JPH3: variants seen among roughly 807,000 people sequenced by gnomAD.
JPH3 encodes junctophilin-3.
A neutral mutation model predicts 59.6 loss-of-function variants in JPH3; 11 were observed. The observed-to-expected ratio is 0.18, with a 90% CI of 0.12 to 0.31. The LOEUF (loss-of-function observed/expected upper bound fraction) is 0.31, where lower values mean the gene tolerates loss of function less well. Among genes scored for constraint, JPH3 ranks in the 10% least tolerant of loss-of-function variants. The pLI is 1.00. For synonymous variants in JPH3, 673 were observed against 483.6 expected, an observed-to-expected ratio of 1.39 and a Z score of -5.14; for missense variants, 1,202 against 1,105.7, an observed-to-expected ratio of 1.09 and a Z score of -1.24.
At chr16:87,694,417 G>C (rs1466681601) in intron 4 of JPH3, 1 of 152,210 alleles carries the variant, frequency 6.6e-6, no homozygotes, top group Non-Finnish European at 1.5e-5. Flanking sequence ...CCCCGGGCCA[G>C]ACGGTCAAGC....
chr16:87,626,268 A>T (rs552938442), intron 1 of JPH3, among the ~76,000 whole-genome samples: 39 of 152,068 alleles, frequency 2.6e-4, no homozygotes, highest in Non-Finnish European at 5.0e-4. Context: ...GTGCAGACTG[A>T]GGTTGCTTAA....
intron 1 of JPH3, among the ~76,000 whole-genome samples, chr16:87,642,604 C>G (rs2031990923): frequency 1.3e-5 from 2 of 152,360 alleles, no homozygotes; most frequent in South Asian, 2.1e-4. Context: ...GGTGGACGGA[C>G]TCTGTTCTCC....
rs770946209 is a variant in JPH3, at chr16:87,644,853, G to A, written c.978G>A (p.Met326Ile). 2 of 1,613,370 alleles carry A rather than the reference G, an allele frequency of 1.2e-6. No homozygotes were observed. Among genetic ancestry groups the A allele is most frequent in the Non-Finnish European group, 8.5e-7 (1 of 1,179,932 alleles). Residue 326 changes from methionine (M) to isoleucine (I), a missense_variant, in exon 2 of 5, where the codon ATG becomes ATA. Transcript: ENST00000284262. Reference sequence around the variant, plus strand: ...ACCGGCGCCATGGCTACGGCTGCATGACCTTCCCGGACGGCACCAAGGAGG... The same window carrying A: ...ACCGGCGCCATGGCTACGGCTGCATAACCTTCCCGGACGGCACCAAGGAGG... ...ASNRRHGYGC[M>I]TFPDGTKEEG...
chr16:87,623,243 A>G (rs116038418), intron 1 of JPH3, among the ~76,000 whole-genome samples: 117 of 152,294 alleles, frequency 7.7e-4, no homozygotes, highest in African/African-American at 2.5e-3. Context: ...CCCTCCCCCA[A>G]GGCCTGGCTG....
At chr16:87,624,410 G>C (rs1003257089) in intron 1 of JPH3, among the ~76,000 whole-genome samples, 3 of 152,126 alleles carry the variant, frequency 2.0e-5, no homozygotes, top group African/African-American at 7.2e-5. Context: ...GGAGTCATAC[G>C]CTGAGAGGCC....
At position 87,644,700 on chromosome 16, in the gene JPH3, C is replaced by T. The variant is rs781773749; in HGVS notation, c.825C>T (p.Val275=). Residue 275 remains valine (V), a synonymous_variant, in exon 2 of 5, where the codon GTC becomes GTT. Coordinates refer to ENST00000284262, the MANE Select transcript of JPH3 (RefSeq NM_020655.4). ...SLGEAEAELA[V]IEDDIDATTT... ...GCGAGGCTGAGGCCGAGCTGGCGGT[C>T]ATCGAGGACGACATCGACGCCACCA... 3 of 1,612,172 alleles carry T rather than the reference C, an allele frequency of 1.9e-6. No individual in the cohort carries two copies. The African/African-American group carries it at 4.0e-5, about 22-fold the overall frequency.
At chr16:87,659,389 A>AAAAAAAAAAAAAAAAAAAAAAAAC in intron 2 of JPH3, among the ~76,000 whole-genome samples, 1 of 145,184 alleles carries the variant, frequency 6.9e-6, no homozygotes, top group Non-Finnish European at 1.5e-5. Flanking sequence ...AAAAAAAAGA[A>AAAAAAAAAAAAAAAAAAAAAAAAC]AAAAAAAAAG....
intron 1 of JPH3, among the ~76,000 whole-genome samples, chr16:87,625,133 C>G (rs1021304873): frequency 6.6e-6 from 1 of 152,216 alleles, no homozygotes; most frequent in African/African-American, 2.4e-5. Context: ...GAGTCTCACT[C>G]TGTGAGCCAG....
chr16:87,632,287 C>T (rs2031588365), intron 1 of JPH3, among the ~76,000 whole-genome samples: 1 of 152,326 alleles, frequency 6.6e-6, no homozygotes, highest in East Asian at 1.9e-4. Context: ...AAAAAGAGCA[C>T]TTCCCTGGCA....
rs139106852 is a variant in JPH3 at position 87,689,143 on chromosome 16, C to T, written c.1286-503C>T. On this transcript the variant is annotated intron_variant, in intron 3 of 4. Coordinates refer to ENST00000284262, the MANE Select transcript of JPH3 (RefSeq NM_020655.4). ...AGGGAAGTCGGCTCCTGGGCTCTCA[C>T]GCTGGCCCCGGCACTGGCTGTTTCT... 6.3e-3 allele frequency among the ~76,000 whole-genome samples: 956 copies of T among 152,288 alleles called. 6 individuals are homozygous for T. Among genetic ancestry groups the T allele is most frequent in the Admixed American group, 0.013 (202 of 15,306 alleles).
chr16:87,684,580 C>T (rs566988378), intron 3 of JPH3: 430 of 360,172 alleles, frequency 1.2e-3, no homozygotes, highest in Non-Finnish European at 1.8e-3. Context: ...GTCTGCTGCC[C>T]GCCCTCCCCC....
At chr16:87,626,744 T>C (rs2031392418) in intron 1 of JPH3, among the ~76,000 whole-genome samples, 1 of 152,206 alleles carries the variant, frequency 6.6e-6, no homozygotes, top group Non-Finnish European at 1.5e-5. Context: ...CAAGGGGAAG[T>C]GGCGGGAGCG....
chr16:87,679,443 C>G (rs1250399248), intron 2 of JPH3, among the ~76,000 whole-genome samples: 3 of 152,182 alleles, frequency 2.0e-5, no homozygotes, highest in Non-Finnish European at 4.4e-5. Flanking sequence ...GGTTTGGGCT[C>G]TGCAGAAGCT....
intron 2 of JPH3, among the ~76,000 whole-genome samples, chr16:87,665,297 G>A (rs1156842913): frequency 6.6e-6 from 1 of 152,206 alleles, no homozygotes; most frequent in Non-Finnish European, 1.5e-5. Flanking sequence ...CCCTGCGTGG[G>A]CTGGCTTCCC....
At chr16:87,670,252 A>G (rs2150865866) in intron 2 of JPH3, among the ~76,000 whole-genome samples, 1 of 152,290 alleles carries the variant, frequency 6.6e-6, no homozygotes, top group African/African-American at 2.4e-5. Context: ...CATTGCTGGA[A>G]TGTGTCAGAA....
chr16:87,604,279 G>T (rs1597229357), intron 1 of JPH3: 2 of 1,368,336 alleles, frequency 1.5e-6, no homozygotes, highest in East Asian at 6.7e-5. Flanking sequence ...CCGGAAGCCA[G>T]GGAGCTGCCT....
At chr16:87,650,429 G>A (rs972320926) in intron 2 of JPH3, among the ~76,000 whole-genome samples, 15 of 152,106 alleles carry the variant, frequency 9.9e-5, no homozygotes, top group African/African-American at 2.4e-5. Flanking sequence ...ATTAAAATTA[G>A]GCCAGTTAAT....
Position 87,690,140 on chromosome 16 carries a change from A to T in JPH3, c.1780A>T (p.Ser594Cys). 6.3e-7 allele frequency: 1 copy of T among 1,595,270 alleles called. No individual in the cohort carries two copies. The highest frequency in any genetic ancestry group is 8.5e-7 in the Non-Finnish European group (1 of 1,171,206). The change falls in exon 4 of 5, where the codon AGC (serine) becomes TGC (cysteine). Residue 594 changes from serine to cysteine, a missense_variant. Physicochemically the swap from Ser to Cys is moderately radical, Grantham distance 112. Coordinates refer to ENST00000284262, the MANE Select transcript of JPH3 (RefSeq NM_020655.4). Reference protein sequence around the residue: ...WTSHHRASNHSPGGSRLLELQ... With the variant: ...WTSHHRASNHCPGGSRLLELQ... Reference sequence around the variant, plus strand: ...TTCCCACCACCGGGCCAGCAACCACAGCCCCGGAGGCTCCAGGCTGCTGGA... The same window carrying T: ...TTCCCACCACCGGGCCAGCAACCACTGCCCCGGAGGCTCCAGGCTGCTGGA...
intron 2 of JPH3, among the ~76,000 whole-genome samples, chr16:87,655,205 C>CCCGCCACT (rs1567601207): frequency 1.3e-5 from 2 of 152,216 alleles, no homozygotes; most frequent in Non-Finnish European, 2.9e-5. Flanking sequence ...TTCCCGCCAC[C>CCCGCCACT]CCCGCCAGGG....
Sources: gnomAD v4.1 joint callset for allele counts (sites outside exome capture counted in the v4.1 genomes callset) on GRCh38, gnomAD v4.1.1 for gene constraint, MANE v1.5 for transcripts, NCBI Gene and HGNC (gene_info 2026-07-23, HGNC 2026-07-21) for gene names.